The following GFM1 variants were observed in gnomAD, a reference collection of about 807,000 sequenced individuals.
GFM1 encodes elongation factor G, mitochondrial.
In GFM1, 62 loss-of-function variants were observed where a neutral mutation model predicts 96.2. The ratio of observed to expected loss-of-function variants is 0.64; its 90% CI spans 0.53 to 0.80. The LOEUF is 0.80. Among genes scored for constraint, GFM1 ranks in the 30% least tolerant of loss-of-function variants. The probability of loss-of-function intolerance (pLI) is 0.00; values close to 1 mark genes in which losing one functional copy is unlikely to be tolerated. For synonymous variants in GFM1, 282 were observed against 312.9 expected (o/e 0.90, Z 1.04); for missense variants, 852 against 916.6 (o/e 0.93, Z 0.91).
At chr3:158,670,143 A>G (rs1034097725) in intron 13 of GFM1, among the ~76,000 whole-genome samples, 1 of 152,200 alleles carries the variant, frequency 6.6e-6, no homozygotes, top group African/African-American at 2.4e-5. Flanking sequence ...ACAGAAAGGC[A>G]AGCTTTTTAA....
chr3:158,644,721 G>C lies in GFM1; in HGVS notation c.81+6G>C, dbSNP rs767597426. On this transcript the variant is annotated splice_donor_region_variant and intron_variant, in intron 1 of 17. Coordinates refer to ENST00000486715, the MANE Select transcript of GFM1 (RefSeq NM_024996.7). ...TAGGCTGGCAGAGGAAGCAGGTACC[G>C]GAGCATAGAGAGGCTAAATCGGGAC... 6.4e-6 allele frequency: 10 copies of C among 1,571,242 alleles called. No homozygotes were observed. Among genetic ancestry groups the C allele is most frequent in the South Asian group, 1.2e-5 (1 of 85,448 alleles).
intron 9 of GFM1, chr3:158,660,548 A>C (rs1723121588): frequency 3.2e-6 from 1 of 317,166 alleles, no homozygotes; most frequent in African/African-American, 2.2e-5. Context: ...ATGCCCCGCC[A>C]GTACATGCCT....
In GFM1 at chr3:158,658,933, TGGAC is replaced by T. The variant is rs1359346386; in HGVS notation, c.1096_1099del (p.Gly366AsnfsTer2). The T allele has an allele frequency of 2.5e-6, 4 of 1,614,102 alleles. No individual in the cohort carries two copies. The highest frequency in any genetic ancestry group is 3.4e-6 in the Non-Finnish European group (4 of 1,180,038). ...ATCTTGACTTCTAGGTAGGTCGATT[TGGAC>T]AATTAACTTATGTTCGCAGTTATCA... is the stretch of plus-strand genomic sequence containing the variant. On this transcript the variant is annotated frameshift_variant, in exon 9 of 18. Transcript: ENST00000486715. LOFTEE classifies it high-confidence loss of function.
chr3:158,653,636 A>T (rs921892115), intron 7 of GFM1, among the ~76,000 whole-genome samples, 169 bp downstream of exon 7: 1 of 152,082 alleles, frequency 6.6e-6, no homozygotes, highest in East Asian at 1.9e-4. Context: ...AATATTTATT[A>T]TACTAGTTCC....
intron 15 of GFM1, among the ~76,000 whole-genome samples, 171 bp from the exon 16 acceptor site, chr3:158,689,992 G>A (rs1049394378): frequency 3.9e-5 from 6 of 152,146 alleles, no homozygotes; most frequent in African/African-American, 9.7e-5. Flanking sequence ...TTTCCATTTA[G>A]AAGAGTGACT....
chr3:158,664,518 C>A (rs945406864), intron 11 of GFM1, among the ~76,000 whole-genome samples: 1 of 152,150 alleles, frequency 6.6e-6, no homozygotes, highest in East Asian at 1.9e-4. Context: ...GCTTGTGGCC[C>A]CCTGCCTCCA....
At chr3:158,644,873 C>T in intron 1 of GFM1, 158 bp downstream of exon 1, 1 of 667,788 alleles carries the variant, frequency 1.5e-6, no homozygotes, top group Middle Eastern at 2.5e-4. Context: ...GGTGCCTGCA[C>T]ATTAGCTCGT....
intron 13 of GFM1, among the ~76,000 whole-genome samples, chr3:158,679,122 C>T (rs1209407632): frequency 6.6e-6 from 1 of 152,226 alleles, no homozygotes; most frequent in East Asian, 1.9e-4. Context: ...CCTTCAGTCT[C>T]CACTTCTAGT....
chr3:158,674,841 TAA>T (rs1407755980), intron 13 of GFM1, among the ~76,000 whole-genome samples: 2 of 152,250 alleles, frequency 1.3e-5, no homozygotes, highest in African/African-American at 2.4e-5. Context: ...TTCATGAGAC[TAA>T]GTCATTCTGT....
In GFM1 at chr3:158,652,108, A is replaced by G. The variant is rs377418512; in HGVS notation, c.702A>G (p.Arg234=). 200 of 1,613,976 alleles carry G rather than the reference A, an allele frequency of 1.2e-4. No homozygotes were observed. The highest frequency in any genetic ancestry group is 1.6e-4 in the Non-Finnish European group (186 of 1,179,990). ...TTTGCTTTCTTAGTCAGATTGTTCG[A>G]TATGGTGAGATTCCAGCTGAATTAA... ...YFDGDFGQIV[R]YGEIPAELRA... is the part of the protein sequence containing the mutation. The change falls in exon 6 of 18, where the codon CGA becomes CGG. Residue 234 remains arginine (R), a synonymous_variant. Transcript: ENST00000486715.
intron 11 of GFM1, among the ~76,000 whole-genome samples, chr3:158,663,706 A>T (rs972395963): frequency 1.3e-5 from 2 of 152,190 alleles, no homozygotes; most frequent in Non-Finnish European, 2.9e-5. Flanking sequence ...ACTTATGCTT[A>T]TGTATTATGC....
Position 158,658,924 on chromosome 3 carries a change from A to T in GFM1, c.1086A>T (p.Val362=). The part of the protein sequence containing the change: ...PFVGLAFKLE[V]GRFGQLTYVR... ...CCTTACCCAATCTTGACTTCTAGGTAGGTCGATTTGGACAATTAACTTATG... is the reference window on the plus strand; with the variant it reads ...CCTTACCCAATCTTGACTTCTAGGTTGGTCGATTTGGACAATTAACTTATG... The change falls in exon 9 of 18, where the codon GTA becomes GTT. Residue 362 remains valine, a splice_region_variant and synonymous_variant. Coordinates refer to ENST00000486715, the MANE Select transcript of GFM1 (RefSeq NM_024996.7). The T allele has an allele frequency of 6.2e-7, 1 of 1,614,122 alleles. No homozygotes were observed. Among genetic ancestry groups the T allele is most frequent in the South Asian group, 1.1e-5 (1 of 91,080 alleles).
At chr3:158,672,377 C>CA (rs750002076) in intron 13 of GFM1, 290 of 1,613,920 alleles carry the variant, frequency 1.8e-4, no homozygotes, top group Non-Finnish European at 2.1e-4. Context: ...TGACCTTCTG[C>CA]ACCTCAAACA....
chr3:158,660,537 C>G (rs1310561403), intron 9 of GFM1: 2 of 301,654 alleles, frequency 6.6e-6, no homozygotes, highest in Non-Finnish European at 1.3e-5. Flanking sequence ...CATGAGACAC[C>G]ATGCCCCGCC....
intron 13 of GFM1, among the ~76,000 whole-genome samples, chr3:158,677,753 C>T (rs1185519559): frequency 3.9e-5 from 6 of 152,206 alleles, no homozygotes; most frequent in African/African-American, 7.2e-5. Context: ...CCACCTGCCT[C>T]GGCCTCCCAA....
chr3:158,687,787 G>A (rs1295021496), intron 15 of GFM1, among the ~76,000 whole-genome samples: 1 of 151,952 alleles, frequency 6.6e-6, no homozygotes, highest in Non-Finnish European at 1.5e-5. Flanking sequence ...ATTATTATTT[G>A]TCAATTAAAA....
At chr3:158,658,157 CTTT>C (rs397842738) in intron 8 of GFM1, among the ~76,000 whole-genome samples, 136 of 97,338 alleles carry the variant, frequency 1.4e-3, no homozygotes, top group Middle Eastern at 8.2e-3. Flanking sequence ...TCACAGAACT[CTTT>C]TTTTTTTTTT....
At chr3:158,683,108 T>C (rs534583275) in intron 14 of GFM1, among the ~76,000 whole-genome samples, 58 of 152,322 alleles carry the variant, frequency 3.8e-4, no homozygotes, top group African/African-American at 1.3e-3. Flanking sequence ...TTTTAACCTT[T>C]TAACTTAGAA....
intron 16 of GFM1, 45 bp from the exon 17 acceptor site, chr3:158,691,094 T>C: frequency 7.6e-7 from 1 of 1,319,422 alleles, no homozygotes; most frequent in Non-Finnish European, 1.1e-6. Context: ...TTCTCAAATA[T>C]TTTCCAATAA....
Sources: gnomAD v4.1 joint callset for allele counts (sites outside exome capture counted in the v4.1 genomes callset) on GRCh38, gnomAD v4.1.1 for gene constraint, MANE v1.5 for transcripts, NCBI Gene and HGNC (gene_info 2026-07-23, HGNC 2026-07-21) for gene names.